GALNTL6: variants seen among roughly 807,000 people sequenced by gnomAD.
GALNTL6 encodes polypeptide N-acetylgalactosaminyltransferase like 6.
GALNTL6 carries 46 observed loss-of-function variants against 73.7 expected under a neutral mutation model. The ratio of observed to expected loss-of-function variants is 0.62; its 90% CI spans 0.49 to 0.80. The LOEUF is 0.80. Among genes scored for constraint, GALNTL6 ranks in the 30% least tolerant of loss-of-function variants. The pLI is 0.00. For missense variants in GALNTL6, 604 were observed against 755.0 expected, an observed-to-expected ratio of 0.80 and a Z score of 2.34; for synonymous variants, 259 against 263.7, an observed-to-expected ratio of 0.98 and a Z score of 0.17.
intron 5 of GALNTL6, among the ~76,000 whole-genome samples, chr4:172,671,843 G>C (rs923508006): frequency 4.0e-5 from 6 of 151,874 alleles, no homozygotes; most frequent in Admixed American, 6.6e-5. Flanking sequence ...ACACCTAGGG[G>C]TTTTTGTTTG....
intron 5 of GALNTL6, among the ~76,000 whole-genome samples, chr4:172,540,974 C>T (rs907152695): frequency 6.6e-6 from 1 of 152,126 alleles, no homozygotes; most frequent in African/African-American, 2.4e-5. Flanking sequence ...GAAGGCCTGG[C>T]TACATTAATG....
At chr4:172,351,739 G>T (rs1741952239) in intron 5 of GALNTL6, among the ~76,000 whole-genome samples, 1 of 152,090 alleles carries the variant, frequency 6.6e-6, no homozygotes, top group Non-Finnish European at 1.5e-5. Context: ...AATACAGGAA[G>T]ATATAGGAAT....
At chr4:172,779,589 A>G (rs1050582366) in intron 5 of GALNTL6, among the ~76,000 whole-genome samples, 1 of 152,192 alleles carries the variant, frequency 6.6e-6, no homozygotes, top group Non-Finnish European at 1.5e-5. Context: ...GCAACCAACC[A>G]AGGGGAAAAC....
intron 2 of GALNTL6, among the ~76,000 whole-genome samples, chr4:172,139,891 C>T (rs1427842598): frequency 1.3e-5 from 2 of 152,036 alleles, no homozygotes; most frequent in South Asian, 2.1e-4. Context: ...CATTTCTTTA[C>T]TGTGTTAATA....
intron 2 of GALNTL6, among the ~76,000 whole-genome samples, chr4:172,010,942 T>A (rs1230224594): frequency 6.6e-6 from 1 of 152,084 alleles, no homozygotes; most frequent in Non-Finnish European, 1.5e-5. Context: ...GGATGCTATA[T>A]ATTCCCATAT....
intron 5 of GALNTL6, among the ~76,000 whole-genome samples, chr4:172,728,512 A>G (rs944689546): frequency 7.0e-4 from 106 of 152,238 alleles, no homozygotes; most frequent in African/African-American, 2.3e-3. Context: ...AATGAAATAT[A>G]TATGTACATA....
intron 8 of GALNTL6, among the ~76,000 whole-genome samples, chr4:172,902,371 C>A (rs772349563): frequency 6.6e-5 from 10 of 152,094 alleles, no homozygotes; most frequent in Non-Finnish European, 1.2e-4. Context: ...TAATTAGGCA[C>A]CCACAAGAGA....
In GALNTL6 at chr4:172,391,976, C is replaced by G. The variant is rs547016499; in HGVS notation, c.553+43287C>G. 2.0e-5 allele frequency among the ~76,000 whole-genome samples: 3 copies of G among 152,070 alleles called. No homozygotes were observed. In the South Asian group the frequency reaches 6.2e-4, roughly 32 times the overall value. On this transcript the variant is annotated intron_variant, in intron 5 of 12. Transcript: ENST00000506823. ...GATAATGCTAATCAACTTTTTAACT[C>G]AAAAAATTTTAAACAGTTTTTTTTT... is the stretch of plus-strand genomic sequence containing the variant.
intron 2 of GALNTL6, among the ~76,000 whole-genome samples, chr4:172,039,896 A>G (rs543617792): frequency 1.3e-5 from 2 of 152,232 alleles, no homozygotes; most frequent in African/African-American, 4.8e-5. Context: ...AAGTTAATTT[A>G]TATGCTTACT....
chr4:172,407,775 A>G (rs892993805), intron 5 of GALNTL6, among the ~76,000 whole-genome samples: 3 of 152,048 alleles, frequency 2.0e-5, no homozygotes, highest in African/African-American at 4.8e-5. Flanking sequence ...TTTTTGTCCT[A>G]TGCAGAATTA....
At chr4:171,906,471 A>G (rs1737281426) in intron 2 of GALNTL6, among the ~76,000 whole-genome samples, 1 of 151,884 alleles carries the variant, frequency 6.6e-6, no homozygotes. Context: ...GAATAGACCA[A>G]TAACAGGCTC....
intron 2 of GALNTL6, among the ~76,000 whole-genome samples, chr4:171,842,047 T>C (rs1735251574): frequency 6.6e-6 from 1 of 152,130 alleles, no homozygotes; most frequent in African/African-American, 2.4e-5. Context: ...TACCTAGATA[T>C]GTGCAATAGT....
At chr4:172,853,563 T>C (rs990892214) in intron 7 of GALNTL6, among the ~76,000 whole-genome samples, 7 of 152,200 alleles carry the variant, frequency 4.6e-5, no homozygotes, top group Non-Finnish European at 7.3e-5. Context: ...TGGTCATGAA[T>C]ATCTGAGCTC....
chr4:172,476,619 A>G (rs1052555811), intron 5 of GALNTL6, among the ~76,000 whole-genome samples: 6 of 152,186 alleles, frequency 3.9e-5, no homozygotes, highest in Admixed American at 3.3e-4. Flanking sequence ...CAGGTAGCAC[A>G]CTGTGTGTCC....
intron 2 of GALNTL6, among the ~76,000 whole-genome samples, chr4:172,184,138 G>A (rs927348081): frequency 2.6e-5 from 4 of 152,102 alleles, no homozygotes; most frequent in Non-Finnish European, 2.9e-5. Context: ...CTTGAAGGAT[G>A]GAGATTCTGC....
intron 9 of GALNTL6, among the ~76,000 whole-genome samples, chr4:172,933,730 A>T (rs980791867): frequency 6.6e-6 from 1 of 152,154 alleles, no homozygotes; most frequent in Non-Finnish European, 1.5e-5. Context: ...CTACATTATT[A>T]CCATATCATC....
intron 5 of GALNTL6, among the ~76,000 whole-genome samples, chr4:172,539,799 CT>C (rs1735480551): frequency 6.7e-6 from 1 of 148,916 alleles, no homozygotes; most frequent in South Asian, 2.1e-4. Flanking sequence ...CCATATCATG[CT>C]AACAATATTC....
At chr4:172,354,124 GTCGA>G (rs1742065884) in intron 5 of GALNTL6, among the ~76,000 whole-genome samples, 1 of 152,048 alleles carries the variant, frequency 6.6e-6, no homozygotes, top group African/African-American at 2.4e-5. Context: ...TGAGACGACA[GTCGA>G]CAAAAATGTT....
chr4:172,962,407 GT>G (rs908816971), intron 10 of GALNTL6, among the ~76,000 whole-genome samples: 1 of 151,962 alleles, frequency 6.6e-6, no homozygotes, highest in Admixed American at 6.6e-5. Context: ...GATTTCACTA[GT>G]TTTTTTTGCT....
Sources: gnomAD v4.1 joint callset for allele counts (sites outside exome capture counted in the v4.1 genomes callset) on GRCh38, gnomAD v4.1.1 for gene constraint, MANE v1.5 for transcripts, NCBI Gene and HGNC (gene_info 2026-07-23, HGNC 2026-07-21) for gene names.